The following NME5 variants were observed in gnomAD, a reference collection of about 807,000 sequenced individuals.
The protein encoded by NME5 is NME/NM23 family member 5, also known as nucleoside diphosphate kinase 5.
In NME5, 18 loss-of-function variants were observed where a neutral mutation model predicts 21.6. The observed-to-expected ratio is 0.83, with a 90% confidence interval of 0.58 to 1.24. NME5 has a LOEUF of 1.24. Among genes scored for constraint, NME5 ranks in the 50% most tolerant of loss-of-function variants. The pLI, the probability that NME5 is intolerant of heterozygous loss-of-function variation, is 0.00. For synonymous variants in NME5, 70 were observed against 80.6 expected, an observed-to-expected ratio of 0.87 and a Z score of 0.71; for missense variants, 223 against 255.4, an observed-to-expected ratio of 0.87 and a Z score of 0.86.
At chr5:138,132,515 C>T (rs1751593288) in intron 2 of NME5, among the ~76,000 whole-genome samples, 1 of 152,088 alleles carries the variant, frequency 6.6e-6, no homozygotes, top group Non-Finnish European at 1.5e-5. Flanking sequence ...TAAGTGAAGG[C>T]TAAAAATCTC....
At chr5:138,134,428 G>C (rs530265434) in intron 2 of NME5, among the ~76,000 whole-genome samples, 1 of 151,674 alleles carries the variant, frequency 6.6e-6, no homozygotes, top group South Asian at 2.1e-4. Context: ...GTTTTTAGTA[G>C]AAATGGGGCT....
At chr5:138,122,441 T>TAAAAAAAAAAAAGAAAAAAAAA (rs1751305924) in intron 4 of NME5, among the ~76,000 whole-genome samples, 1 of 34,452 alleles carries the variant, frequency 2.9e-5, no homozygotes, top group Admixed American at 4.7e-4. Flanking sequence ...ACTCTGTCTC[T>TAAAAAAAAAAAAGAAAAAAAAA]AAAAAAAAAA....
At chr5:138,133,415 A>C (rs965477332) in intron 2 of NME5, among the ~76,000 whole-genome samples, 1 of 152,094 alleles carries the variant, frequency 6.6e-6, no homozygotes, top group African/African-American at 2.4e-5. Context: ...TTAAGGGTTC[A>C]TCTTTAAATA....
At position 138,131,004 on chromosome 5, in the gene NME5, G is replaced by A. The variant is rs1451813149; in HGVS notation, c.130-1536C>T. ...CCAGCACTTTGAGAGGACAAGGCAG[G>A]TGGATCACCTGAGGTCAGGAGTTTG... On this transcript the variant is annotated intron_variant, in intron 2 of 5. Coordinates refer to ENST00000265191, the MANE Select transcript of NME5 (RefSeq NM_003551.3). 7.9e-5 allele frequency among the ~76,000 whole-genome samples: 12 copies of A among 151,772 alleles called. No homozygotes were observed. In the East Asian group the frequency reaches 2.1e-3, roughly 27 times the overall value.
intron 2 of NME5, among the ~76,000 whole-genome samples, chr5:138,134,330 G>A (rs1030129416): frequency 6.6e-6 from 1 of 151,670 alleles, no homozygotes; most frequent in African/African-American, 2.4e-5. Flanking sequence ...TGCAACCTCC[G>A]CCTCCCAGAT....
chr5:138,136,288 T>C (rs1438402288), intron 2 of NME5, among the ~76,000 whole-genome samples: 2 of 152,214 alleles, frequency 1.3e-5, no homozygotes, highest in Non-Finnish European at 2.9e-5. Context: ...AGTCCATCTG[T>C]TGTATTGGTA....
At chr5:138,138,369 A>G (rs1247940039) in intron 2 of NME5, 1 of 307,570 alleles carries the variant, frequency 3.3e-6, no homozygotes, top group Non-Finnish European at 6.0e-6. Context: ...GAAAATGTTT[A>G]TAAATGCATA....
chr5:138,131,204 T>TAAAA (rs762579967), intron 2 of NME5, among the ~76,000 whole-genome samples: 66 of 80,872 alleles, frequency 8.2e-4, no homozygotes, highest in African/African-American at 3.7e-3. Context: ...CCGTCTCTGC[T>TAAAA]AAAAAAAAAA....
intron 2 of NME5, among the ~76,000 whole-genome samples, chr5:138,135,641 C>T (rs539257153): frequency 3.3e-5 from 5 of 152,204 alleles, no homozygotes; most frequent in South Asian, 4.2e-4. Context: ...GGGCAAAATA[C>T]GGACTTTTAA....
chr5:138,134,704 A>G (rs1751651460), intron 2 of NME5, among the ~76,000 whole-genome samples: 1 of 149,644 alleles, frequency 6.7e-6, no homozygotes, highest in Non-Finnish European at 1.5e-5. Flanking sequence ...AATTAACACT[A>G]GCCACTTAAT....
chr5:138,120,311 G>A (rs551319480), intron 4 of NME5, among the ~76,000 whole-genome samples: 2 of 139,176 alleles, frequency 1.4e-5, no homozygotes, highest in South Asian at 2.3e-4. Flanking sequence ...TTGGCTCACT[G>A]CAAGCTCCGC....
chr5:138,119,048 G>A, intron 4 of NME5, 112 bp from the exon 5 acceptor site: 1 of 629,186 alleles, frequency 1.6e-6, no homozygotes, highest in Non-Finnish European at 2.7e-6. Flanking sequence ...ATGTTTTTTT[G>A]AGATGGAGTC....
intron 4 of NME5, among the ~76,000 whole-genome samples, chr5:138,120,999 A>G (rs1487965836): frequency 6.6e-6 from 1 of 152,126 alleles, no homozygotes; most frequent in Non-Finnish European, 1.5e-5. Context: ...AACACAAAGC[A>G]AATTTTATAT....
chr5:138,125,441 T>C (rs1027037429), intron 4 of NME5, among the ~76,000 whole-genome samples: 2 of 152,108 alleles, frequency 1.3e-5, no homozygotes, highest in African/African-American at 4.8e-5. Flanking sequence ...TAGCCGAGCA[T>C]GGTGGTACAC....
intron 4 of NME5, among the ~76,000 whole-genome samples, chr5:138,127,244 C>T (rs931724222): frequency 9.9e-5 from 15 of 152,016 alleles, no homozygotes; most frequent in Non-Finnish European, 2.1e-4. Flanking sequence ...AGTTGTCAGC[C>T]CATTGTCAGG....
chr5:138,134,355 T>G (rs1323749811), intron 2 of NME5, among the ~76,000 whole-genome samples: 1 of 152,054 alleles, frequency 6.6e-6, no homozygotes, highest in African/African-American at 2.4e-5. Context: ...GCGATTCTCC[T>G]GCCTCAGCCT....
chr5:138,128,441 AG>A, intron 4 of NME5, 37 bp downstream of exon 4: 1 of 1,404,352 alleles, frequency 7.1e-7, no homozygotes, highest in Non-Finnish European at 1.0e-6. Flanking sequence ...GCAAACAATA[AG>A]GAGATGCAGT....
intron 4 of NME5, 86 bp from the exon 5 acceptor site, chr5:138,119,022 T>G: frequency 1.3e-6 from 1 of 772,960 alleles, no homozygotes; most frequent in Admixed American, 2.8e-5. Flanking sequence ...TAAAGAACTT[T>G]TCTCTATTTT....
In NME5 at chr5:138,115,641, A is replaced by G. The variant is rs779623745; in HGVS notation, c.*40T>C. 7.8e-7 allele frequency: 1 copy of G among 1,289,302 alleles called. No individual in the cohort carries two copies. Among genetic ancestry groups the G allele is most frequent in the Non-Finnish European group, 1.1e-6 (1 of 930,844 alleles). 79.9% of individuals were successfully genotyped at this position (1,289,302 alleles called of 1,614,324 possible). A position where few individuals can be genotyped will look rare whatever the true frequency, so the allele number is the denominator to read the frequency against. ...AACAGTAGAAGTACAGCCTTTTATA[A>G]TAAGATAGTTCATGATTTGTTCTTT... On this transcript the variant is annotated 3_prime_UTR_variant, in exon 6 of 6. Transcript: ENST00000265191.
Sources: allele counts gnomAD v4.1 joint callset (sites outside exome capture counted in the v4.1 genomes callset), GRCh38; gene constraint gnomAD v4.1.1; transcripts MANE v1.5; gene names NCBI Gene and HGNC (gene_info 2026-07-23, HGNC 2026-07-21).